PDE4A: variants seen among roughly 807,000 people sequenced by gnomAD.
The protein encoded by PDE4A is 3',5'-cyclic-AMP phosphodiesterase 4A.
PDE4A carries 21 observed loss-of-function variants against 73.9 expected under a neutral mutation model. The observed-to-expected ratio is 0.28, with a 90% confidence interval of 0.20 to 0.41. PDE4A has a LOEUF of 0.41. PDE4A is among the 10% of genes least tolerant of loss of function. The probability of loss-of-function intolerance (pLI) is 1.00; values close to 1 mark genes in which losing one functional copy is unlikely to be tolerated. For synonymous variants in PDE4A, 463 were observed against 505.4 expected, an observed-to-expected ratio of 0.92 and a Z score of 1.13; for missense variants, 958 against 1,211.4, an observed-to-expected ratio of 0.79 and a Z score of 3.10.
At chr19:10,434,262 T>A (rs2042834771) in intron 1 of PDE4A, among the ~76,000 whole-genome samples, 1 of 150,550 alleles carries the variant, frequency 6.6e-6, no homozygotes, top group African/African-American at 2.5e-5. Flanking sequence ...TGGAGTGCAG[T>A]GGAGTGATCT....
chr19:10,442,907 A>G (rs998358219), intron 1 of PDE4A, among the ~76,000 whole-genome samples: 1 of 150,648 alleles, frequency 6.6e-6, no homozygotes, highest in African/African-American at 2.4e-5. Context: ...AATATTAGCA[A>G]TATTGCATAT....
Position 10,424,156 on chromosome 19 carries a change from A to T in PDE4A, c.320+3072A>T, listed in dbSNP as rs1047745617. Among the ~76,000 whole-genome samples the T allele has an allele frequency of 1.3e-5, 2 of 152,214 alleles. No homozygotes were observed. The highest frequency in any genetic ancestry group is 4.8e-5 in the African/African-American group (2 of 41,456). On this transcript the variant is annotated intron_variant, in intron 1 of 14. Transcript: ENST00000380702. The surrounding 1 kb of genome is among the most constrained non-coding windows in gnomAD (Gnocchi z 4.8). ...ACCTCCCCTCCAGACCTGAAGATGTATGAGACGGCTGAGTCACGGCACAGC... is the reference window on the plus strand; with the variant it reads ...ACCTCCCCTCCAGACCTGAAGATGTTTGAGACGGCTGAGTCACGGCACAGC...
chr19:10,462,127 CT>C (rs946745406), intron 13 of PDE4A, 128 bp downstream of exon 13: 661 of 728,108 alleles, frequency 9.1e-4, no homozygotes, highest in South Asian at 1.7e-3. Flanking sequence ...GTCCTTCTTT[CT>C]TTTTTTTTGT....
chr19:10,454,734 T>G, intron 6 of PDE4A, 95 bp from the exon 7 acceptor site: 1 of 1,590,718 alleles, frequency 6.3e-7, no homozygotes, highest in South Asian at 1.1e-5. Context: ...TAGGAGGGAC[T>G]CATGGGGTCT....
rs2042748825 is a variant in PDE4A at position 10,428,677 on chromosome 19, C to G, written c.320+7593C>G. ...TGGTAGTATTATACCCATTTTACAA[C>G]TGGGGAAACTGAGGCTCAATGAAAT... is the stretch of plus-strand genomic sequence containing the variant. On this transcript the variant is annotated intron_variant, in intron 1 of 14. Coordinates refer to ENST00000380702, the MANE Select transcript of PDE4A (RefSeq NM_001111307.2). The G allele has an allele frequency of 3.1e-6, 2 of 641,958 alleles. 1 individual carries two copies. Among genetic ancestry groups the G allele is most frequent in the South Asian group, 1.4e-4 (2 of 14,390 alleles). The allele number at this position is 641,958 out of a possible 1,614,324, so 39.8% of individuals were successfully genotyped here.
At chr19:10,433,565 C>G (rs550231834) in intron 1 of PDE4A, among the ~76,000 whole-genome samples, 1 of 152,288 alleles carries the variant, frequency 6.6e-6, no homozygotes, top group Non-Finnish European at 1.5e-5. Context: ...GAGATGCACA[C>G]AGGCACCCAT....
intron 1 of PDE4A, among the ~76,000 whole-genome samples, chr19:10,431,521 A>G (rs2042788278): frequency 6.6e-6 from 1 of 152,200 alleles, no homozygotes; most frequent in Admixed American, 6.5e-5. Flanking sequence ...CTTTCTGGCC[A>G]GACGGGGTGG....
At chr19:10,416,987 C>G, upstream of PDE4A, 2 of 1,540,114 alleles carry the variant, frequency 1.3e-6, no homozygotes, top group South Asian at 2.4e-5. Flanking sequence ...GGACCGGGGA[C>G]GAGGTGCGAG....
At chr19:10,463,054 C>A (rs961243040) in intron 13 of PDE4A, among the ~76,000 whole-genome samples, 2 of 151,862 alleles carry the variant, frequency 1.3e-5, no homozygotes, top group African/African-American at 4.8e-5. Context: ...CTGTCCTGTC[C>A]TGTCCTTTCC....
At chr19:10,451,665 C>T (rs2145547057) in intron 6 of PDE4A, among the ~76,000 whole-genome samples, 1 of 152,042 alleles carries the variant, frequency 6.6e-6, no homozygotes, top group Non-Finnish European at 1.5e-5. Flanking sequence ...ATGTGTAGCT[C>T]TATGTGTTTG....
rs1219043254 is a variant in PDE4A, at chr19:10,469,301, G to T, written c.*1680G>T. 1 of 152,296 alleles carries T rather than the reference G, an allele frequency of 6.6e-6. No homozygotes were observed. The highest frequency in any genetic ancestry group is 1.9e-4 in the East Asian group (1 of 5,314). The allele number at this position is 152,296 out of a possible 1,614,324, so 9.4% of individuals were successfully genotyped here. A position where few individuals can be genotyped will look rare whatever the true frequency, so the allele number is the denominator to read the frequency against. Reference sequence around the variant, plus strand: ...ACCCAGTCGGGAAGGTAGGGAAGGAGGTCTCCCGTTGGGAGAGTCTCTGTT... The same window carrying T: ...ACCCAGTCGGGAAGGTAGGGAAGGATGTCTCCCGTTGGGAGAGTCTCTGTT... On this transcript the variant is annotated 3_prime_UTR_variant, in exon 15 of 15. Transcript: ENST00000380702.
Position 10,467,142 on chromosome 19 carries a change from T to G in PDE4A, c.2182T>G (p.Cys728Gly). The G allele has an allele frequency of 6.2e-7, 1 of 1,614,140 alleles. No individual in the cohort carries two copies. Among genetic ancestry groups the G allele is most frequent in the Non-Finnish European group, 8.5e-7 (1 of 1,180,020 alleles). The change falls in exon 15 of 15, where the codon TGC becomes GGC. Residue 728 changes from cysteine to glycine, a missense_variant. Physicochemically the swap from Cys to Gly is radical, Grantham distance 159. Coordinates refer to ENST00000380702, the MANE Select transcript of PDE4A (RefSeq NM_001111307.2). ...AGAAATATCAATGGCCCAGATACCG[T>G]GCACAGCCCAAGAGGCATTGACTGC... ...EEEISMAQIP[C>G]TAQEALTAQG...
intron 6 of PDE4A, among the ~76,000 whole-genome samples, chr19:10,452,197 G>C (rs1209209031): frequency 6.6e-6 from 1 of 151,790 alleles, no homozygotes; most frequent in Non-Finnish European, 1.5e-5. Flanking sequence ...GTGGCTGGCT[G>C]GGGAGGCCAA....
chr19:10,460,356 G>C (rs1479729898), intron 10 of PDE4A, among the ~76,000 whole-genome samples: 1 of 151,946 alleles, frequency 6.6e-6, no homozygotes, highest in East Asian at 2.0e-4. Flanking sequence ...AAAATTAGCC[G>C]GGCGTGGTGG....
At chr19:10,454,944 G>A in intron 7 of PDE4A, 22 bp downstream of exon 7, 1 of 1,612,722 alleles carries the variant, frequency 6.2e-7, no homozygotes, top group Non-Finnish European at 8.5e-7. Context: ...GAAGCACGTG[G>A]GATTGGAGGG....
At chr19:10,439,306 C>T (rs2042906293) in intron 1 of PDE4A, among the ~76,000 whole-genome samples, 1 of 152,020 alleles carries the variant, frequency 6.6e-6, no homozygotes, top group Admixed American at 6.6e-5. Flanking sequence ...TGCAGCCTCC[C>T]GAGTAGCTGG....
At chr19:10,418,390 C>T (rs1051400998), upstream of PDE4A, among the ~76,000 whole-genome samples, 1 of 152,180 alleles carries the variant, frequency 6.6e-6, no homozygotes, top group Non-Finnish European at 1.5e-5. Flanking sequence ...CTCAACCCCC[C>T]TCTTGGCTCA....
chr19:10,463,604 T>C (rs1283234143), intron 13 of PDE4A, 189 bp from the exon 14 acceptor site: 4 of 545,886 alleles, frequency 7.3e-6, no homozygotes, highest in Non-Finnish European at 9.3e-6. Context: ...GGTTTCACCA[T>C]GTTGGCCAGG....
At chr19:10,447,908 C>T (rs2043033316) in intron 2 of PDE4A, among the ~76,000 whole-genome samples, 1 of 152,018 alleles carries the variant, frequency 6.6e-6, no homozygotes, top group East Asian at 1.9e-4. Flanking sequence ...CACCTCAACC[C>T]ACTTGGTCCC....
Sources: gnomAD v4.1 joint callset for allele counts (sites outside exome capture counted in the v4.1 genomes callset) on GRCh38, gnomAD v4.1.1 for gene constraint, Gnocchi (gnomAD v3.1) non-coding constraint, MANE v1.5 for transcripts, NCBI Gene and HGNC (gene_info 2026-07-23, HGNC 2026-07-21) for gene names.